CCDC181: variants seen among roughly 807,000 people sequenced by gnomAD.
CCDC181 encodes coiled-coil domain containing 181, also known as coiled-coil domain-containing protein 181.
In CCDC181, 35 loss-of-function variants were observed where a neutral mutation model predicts 58.7. The observed-to-expected ratio is 0.60, with a 90% confidence interval of 0.46 to 0.79. CCDC181 has a LOEUF of 0.79. Ranked by LOEUF, CCDC181 falls within the 30% of genes least tolerant of loss-of-function variation. CCDC181 has a pLI of 0.00. For synonymous variants in CCDC181, 183 were observed against 197.5 expected (o/e 0.93, Z 0.62); for missense variants, 517 against 583.9 (o/e 0.89, Z 1.18).
Position 169,408,015 on chromosome 1 carries a change from A to T in CCDC181, c.1216-10624T>A, listed in dbSNP as rs111539406. On this transcript the variant is annotated intron_variant, in intron 4 of 5. Coordinates refer to ENST00000367806, the MANE Select transcript of CCDC181 (RefSeq NM_001300969.2). ...CAAAACTGGGTGGCCGTTTGGGAAG[A>T]CACCAAGCTAGCTGCAGGAGTTTTT... 2.0e-3 allele frequency among the ~76,000 whole-genome samples: 309 copies of T among 152,304 alleles called. 3 individuals are homozygous for T. The highest frequency in any genetic ancestry group is 7.0e-3 in the African/African-American group (293 of 41,576).
intron 2 of CCDC181, among the ~76,000 whole-genome samples, chr1:169,441,234 T>G (rs1205953098): frequency 1.3e-5 from 2 of 152,182 alleles, no homozygotes; most frequent in African/African-American, 2.4e-5. Flanking sequence ...AACTAATAAT[T>G]TGTGAGTAAC....
At chr1:169,406,206 A>G (rs138896824) in intron 4 of CCDC181, among the ~76,000 whole-genome samples, 1 of 152,340 alleles carries the variant, frequency 6.6e-6, no homozygotes, top group African/African-American at 2.4e-5. Context: ...GTGGGAGTGT[A>G]AAGTAGTTCA....
Position 169,397,294 on chromosome 1 carries a change from T to TG in CCDC181, c.1312dup (p.Gln438ProfsTer9), listed in dbSNP as rs1180932177. 3 of 1,611,780 alleles carry TG rather than the reference T, an allele frequency of 1.9e-6. No individual in the cohort carries two copies. The highest frequency in any genetic ancestry group is 1.7e-5 in the Admixed American group (1 of 59,578). ...TTTAAGGAAGAATAAACATTCCTCT[T>TG]GCTTTCTTAGTTCTTCTGTCTGTCT... is the stretch of plus-strand genomic sequence containing the variant. On this transcript the variant is annotated frameshift_variant, in exon 5 of 6. Transcript: ENST00000367806. LOFTEE classifies it high-confidence loss of function.
intron 4 of CCDC181, among the ~76,000 whole-genome samples, chr1:169,405,785 A>G (rs1655616075): frequency 6.6e-6 from 1 of 152,226 alleles, no homozygotes; most frequent in Non-Finnish European, 1.5e-5. Flanking sequence ...AATGGCAACA[A>G]AAGCCAAAAT....
At chr1:169,399,326 G>A (rs1018138195) in intron 4 of CCDC181, among the ~76,000 whole-genome samples, 2 of 152,216 alleles carry the variant, frequency 1.3e-5, no homozygotes, top group African/African-American at 4.8e-5. Flanking sequence ...TATATGCACT[G>A]AAGATAGAAC....
At chr1:169,400,742 C>T (rs144107930) in intron 4 of CCDC181, among the ~76,000 whole-genome samples, 65 of 152,286 alleles carry the variant, frequency 4.3e-4, no homozygotes, top group African/African-American at 1.5e-3. Flanking sequence ...TAGCTCCCAG[C>T]GTGAGTGATG....
chr1:169,437,684 G>A (rs1489625424), intron 2 of CCDC181, among the ~76,000 whole-genome samples: 1 of 152,190 alleles, frequency 6.6e-6, no homozygotes, highest in Non-Finnish European at 1.5e-5. Flanking sequence ...CAAGAAGAGA[G>A]GAGTGGAACC....
chr1:169,448,437 A>G (rs543942829), intron 2 of CCDC181, among the ~76,000 whole-genome samples: 2 of 152,122 alleles, frequency 1.3e-5, no homozygotes, highest in African/African-American at 4.8e-5. Flanking sequence ...GTGAGAGATA[A>G]TTTCACTGGA....
In CCDC181 at chr1:169,424,793, G is replaced by T; in HGVS notation, c.117+18C>A. 1 of 1,221,680 alleles carries T rather than the reference G, an allele frequency of 8.2e-7. No homozygotes were observed. Among genetic ancestry groups the T allele is most frequent in the Non-Finnish European group, 1.2e-6 (1 of 846,026 alleles). The allele number at this position is 1,221,680 out of a possible 1,614,324, so 75.7% of individuals were successfully genotyped here. On this transcript the variant is annotated intron_variant, in intron 2 of 5. Transcript: ENST00000367806. The stretch of plus-strand genomic sequence containing the variant: ...ACTTTGTAATATAATTATTATGAAT[G>T]CTGTTGGCAATATATACCTCTATTA...
At chr1:169,431,441 C>G (rs902554679), upstream of CCDC181, among the ~76,000 whole-genome samples, 2 of 152,078 alleles carry the variant, frequency 1.3e-5, no homozygotes, top group African/African-American at 4.8e-5. Context: ...GAATATTATT[C>G]TGCAATAAAA....
Position 169,446,535 on chromosome 1 carries a change from C to T in CCDC181, c.-24+13262G>A, listed in dbSNP as rs1212321214. Among the ~76,000 whole-genome samples, 7 of 152,146 alleles carry T rather than the reference C, an allele frequency of 4.6e-5. No homozygotes were observed. The East Asian group carries it at 1.3e-3, about 29-fold the overall frequency. On this transcript the variant is annotated intron_variant, in intron 2 of 6. Transcript: ENST00000545005. The stretch of plus-strand genomic sequence containing the variant: ...ACTGGCTTTGAATATTTCTTCTTTG[C>T]TAATAAACAGTCATCCCTCCATATA...
At chr1:169,425,922 T>C (rs1656690488) in intron 1 of CCDC181, among the ~76,000 whole-genome samples, 1 of 151,958 alleles carries the variant, frequency 6.6e-6, no homozygotes, top group South Asian at 2.1e-4. Flanking sequence ...ATATGTTTTA[T>C]TGTTTACAGA....
At chr1:169,409,510 C>A (rs1655845034) in intron 4 of CCDC181, among the ~76,000 whole-genome samples, 1 of 152,142 alleles carries the variant, frequency 6.6e-6, no homozygotes, top group African/African-American at 2.4e-5. Flanking sequence ...CCAAGGCAGG[C>A]AAACATTCAA....
intron 2 of CCDC181, among the ~76,000 whole-genome samples, chr1:169,453,063 TGAGA>T (rs1657586025): frequency 6.6e-6 from 1 of 151,520 alleles, no homozygotes; most frequent in Non-Finnish European, 1.5e-5. Flanking sequence ...AAAATAGACT[TGAGA>T]AAGAATTGAA....
intron 4 of CCDC181, among the ~76,000 whole-genome samples, chr1:169,410,545 A>C (rs7531864): frequency 4.1e-4 from 63 of 152,338 alleles, no homozygotes; most frequent in African/African-American, 1.4e-3. Flanking sequence ...AGCGGACCTA[A>C]TAGACATCTA....
intron 2 of CCDC181, among the ~76,000 whole-genome samples, chr1:169,434,879 G>A (rs1299732204): frequency 6.6e-6 from 1 of 151,992 alleles, no homozygotes; most frequent in Non-Finnish European, 1.5e-5. Flanking sequence ...TATATAAAGT[G>A]CCCAGAACAG....
intron 3 of CCDC181, among the ~76,000 whole-genome samples, chr1:169,420,808 AAAAC>A: frequency 6.6e-6 from 1 of 152,092 alleles, no homozygotes; most frequent in South Asian, 2.1e-4. Context: ...ACAAATATGA[AAAAC>A]AAAAAAAATT....
At chr1:169,398,930 A>G (rs973209920) in intron 4 of CCDC181, among the ~76,000 whole-genome samples, 2 of 152,216 alleles carry the variant, frequency 1.3e-5, no homozygotes, top group African/African-American at 2.4e-5. Context: ...ATATCTGGAG[A>G]AAAACAGTGG....
chr1:169,409,098 A>G (rs1052514284), intron 4 of CCDC181, among the ~76,000 whole-genome samples: 1 of 152,218 alleles, frequency 6.6e-6, no homozygotes, highest in African/African-American at 2.4e-5. Flanking sequence ...CTCTGAGCTA[A>G]AGGAGCATGT....
Sources: gnomAD v4.1 joint callset for allele counts (sites outside exome capture counted in the v4.1 genomes callset) on GRCh38, gnomAD v4.1.1 for gene constraint, MANE v1.5 for transcripts, NCBI Gene and HGNC (gene_info 2026-07-23, HGNC 2026-07-21) for gene names.